The following DCDC2 variants were observed in gnomAD, a reference collection of about 807,000 sequenced individuals.
DCDC2 encodes doublecortin domain containing 2, also known as doublecortin domain-containing protein 2.
DCDC2 carries 40 observed loss-of-function variants against 50.2 expected under a neutral mutation model. The observed-to-expected ratio is 0.80, with a 90% CI of 0.62 to 1.04. DCDC2 has a LOEUF of 1.04. Among genes scored for constraint, DCDC2 ranks in the 50% least tolerant of loss-of-function variants. The pLI, the probability that DCDC2 is intolerant of heterozygous loss-of-function variation, is 0.00. For missense variants in DCDC2, 570 were observed against 581.9 expected, an observed-to-expected ratio of 0.98 and a Z score of 0.21; for synonymous variants, 234 against 210.6, an observed-to-expected ratio of 1.11 and a Z score of -0.96.
intron 7 of DCDC2, among the ~76,000 whole-genome samples, chr6:24,215,511 G>C (rs1001045760): frequency 6.6e-6 from 1 of 152,114 alleles, no homozygotes; most frequent in Non-Finnish European, 1.5e-5. Context: ...ATCATGGAAA[G>C]TGTTATCACC....
At chr6:24,290,025 G>T (rs923806175) in intron 5 of DCDC2, among the ~76,000 whole-genome samples, 1 of 112,932 alleles carries the variant, frequency 8.9e-6, no homozygotes, top group Non-Finnish European at 1.7e-5. Context: ...ACGGAGTCTC[G>T]CTCTGTCGCC....
chr6:24,303,693 C>T (rs1413242502), intron 2 of DCDC2, among the ~76,000 whole-genome samples: 1 of 152,176 alleles, frequency 6.6e-6, no homozygotes, highest in East Asian at 1.9e-4. Flanking sequence ...TATTTCATGG[C>T]AAGCACCGTA....
the DCDC2 span, among the ~76,000 whole-genome samples, chr6:24,374,356 G>C: frequency 1.3e-5 from 2 of 151,700 alleles, no homozygotes; most frequent in Admixed American, 6.6e-5. Context: ...TCAATCACTT[G>C]AGGTCAGGAG....
intron 7 of DCDC2, 43 bp from the exon 8 acceptor site, chr6:24,205,145 A>G (rs774175325): frequency 1.9e-5 from 30 of 1,614,014 alleles, no homozygotes; most frequent in Middle Eastern, 1.6e-4. Flanking sequence ...TCCAATTGTG[A>G]CATCGTGTGG....
At chr6:24,238,809 G>A (rs928964042) in intron 7 of DCDC2, among the ~76,000 whole-genome samples, 2 of 152,194 alleles carry the variant, frequency 1.3e-5, no homozygotes, top group African/African-American at 2.4e-5. Flanking sequence ...CAGGAGCAAA[G>A]GGTGAAGATT....
the DCDC2 span, among the ~76,000 whole-genome samples, chr6:24,374,213 G>A: frequency 6.6e-6 from 1 of 150,892 alleles, no homozygotes; most frequent in South Asian, 2.1e-4. Flanking sequence ...GAGTGCATAA[G>A]TTGGAATCTA....
intron 7 of DCDC2, among the ~76,000 whole-genome samples, chr6:24,235,396 C>T (rs891568544): frequency 1.3e-5 from 2 of 152,182 alleles, no homozygotes; most frequent in Non-Finnish European, 2.9e-5. Flanking sequence ...TAAAAGTTCT[C>T]AGCAAAATAC....
chr6:24,248,573 C>G (rs1323004359), intron 7 of DCDC2, among the ~76,000 whole-genome samples: 1 of 152,086 alleles, frequency 6.6e-6, no homozygotes, highest in Non-Finnish European at 1.5e-5. Flanking sequence ...ACCAGTTTTG[C>G]TGGCAGGATA....
chr6:24,254,036 TAA>T, intron 7 of DCDC2, among the ~76,000 whole-genome samples: 1 of 152,268 alleles, frequency 6.6e-6, no homozygotes. Context: ...TTTTTCTATT[TAA>T]GTTTTGTTTA....
At chr6:24,366,392 A>G in the DCDC2 span, among the ~76,000 whole-genome samples, 2 of 152,208 alleles carry the variant, frequency 1.3e-5, no homozygotes, top group African/African-American at 4.8e-5. Context: ...AAAAACTTTC[A>G]GTTTACTAGA....
chr6:24,206,601 AC>A (rs1761721865), intron 7 of DCDC2, among the ~76,000 whole-genome samples: 1 of 152,214 alleles, frequency 6.6e-6, no homozygotes, highest in African/African-American at 2.4e-5. Flanking sequence ...GCCTATAGAT[AC>A]AAAAGGAATA....
chr6:24,357,569 G>T lies in DCDC2; in HGVS notation c.182C>A (p.Ala61Asp). The change falls in exon 1 of 10, where the codon GCC becomes GAC. Residue 61 changes from alanine to aspartate, a missense_variant. Coordinates refer to ENST00000378454, the MANE Select transcript of DCDC2 (RefSeq NM_016356.5). The part of the protein sequence containing the change: ...VTGGVQAPFG[A>D]VRNIYTPRTG... ...CCGCGGGGTGTAGATGTTCCTGACG[G>T]CCCCAAAGGGTGCCTGAACGCCGCC... The T allele has an allele frequency of 6.2e-7, 1 of 1,613,512 alleles. No homozygotes were observed.
At chr6:24,193,750 G>A (rs988798271) in intron 8 of DCDC2, among the ~76,000 whole-genome samples, 4 of 152,082 alleles carry the variant, frequency 2.6e-5, no homozygotes, top group African/African-American at 9.7e-5. Context: ...ATCTGTATGT[G>A]TTTGTATGTA....
intron 7 of DCDC2, among the ~76,000 whole-genome samples, chr6:24,238,128 G>A (rs1313660259): frequency 3.2e-5 from 1 of 31,688 alleles, no homozygotes; most frequent in East Asian, 1.3e-3. Flanking sequence ...AGGGAAGGGA[G>A]GAAAGGAGGA....
intron 7 of DCDC2, among the ~76,000 whole-genome samples, chr6:24,266,391 T>C (rs951501401): frequency 6.6e-6 from 1 of 151,992 alleles, no homozygotes; most frequent in East Asian, 1.9e-4. Flanking sequence ...ACCCACAGAA[T>C]AGAAGAAAAT....
intron 7 of DCDC2, among the ~76,000 whole-genome samples, chr6:24,225,539 C>T (rs1762215137): frequency 6.6e-6 from 1 of 152,140 alleles, no homozygotes; most frequent in South Asian, 2.1e-4. Context: ...ATCAGTCAAC[C>T]ATGCTCAATG....
At chr6:24,287,528 C>T (rs1340798729) in intron 6 of DCDC2, among the ~76,000 whole-genome samples, 1 of 152,068 alleles carries the variant, frequency 6.6e-6, no homozygotes. Context: ...GACAAAGATG[C>T]CTGCCTTGTG....
In DCDC2 at chr6:24,252,998, A is replaced by G. The variant is rs139531869; in HGVS notation, c.922+25051T>C. 8.2e-3 allele frequency among the ~76,000 whole-genome samples: 1,256 copies of G among 152,294 alleles called. 8 individuals are homozygous for G. The highest frequency in any genetic ancestry group is 0.015 in the African/African-American group (607 of 41,566). The stretch of plus-strand genomic sequence containing the variant: ...AATTTCAAAACATTTTACATAAATA[A>G]TGAAAATAAGACAAATCAAAACATG... On this transcript the variant is annotated intron_variant, in intron 7 of 9. Transcript: ENST00000378454.
At chr6:24,286,384 G>C (rs1382134731) in intron 6 of DCDC2, among the ~76,000 whole-genome samples, 1 of 152,114 alleles carries the variant, frequency 6.6e-6, no homozygotes, top group African/African-American at 2.4e-5. Flanking sequence ...CTGGAGCCCA[G>C]GACTTTGAGA....
Sources: gnomAD v4.1 joint callset for allele counts (sites outside exome capture counted in the v4.1 genomes callset) on GRCh38, gnomAD v4.1.1 for gene constraint, MANE v1.5 for transcripts, NCBI Gene and HGNC (gene_info 2026-07-23, HGNC 2026-07-21) for gene names.